The following MACROD2 variants were observed in gnomAD, a reference collection of about 807,000 sequenced individuals.
MACROD2 encodes the protein mono-ADP ribosylhydrolase 2.
MACROD2 carries 36 observed loss-of-function variants against 70.4 expected under a neutral mutation model. The ratio of observed to expected loss-of-function variants is 0.51; its 90% CI spans 0.39 to 0.68. The LOEUF is 0.68. Among genes scored for constraint, MACROD2 ranks in the 30% least tolerant of loss-of-function variants. The pLI, the probability that MACROD2 is intolerant of heterozygous loss-of-function variation, is 0.00. For missense variants in MACROD2, 496 were observed against 538.4 expected (o/e 0.92, Z 0.78); for synonymous variants, 172 against 178.8 (o/e 0.96, Z 0.30).
chr20:14,328,803 G>T (rs1165048009), intron 3 of MACROD2: 3 of 152,060 alleles, frequency 2.0e-5, no homozygotes, highest in Non-Finnish European at 4.4e-5. Flanking sequence ...TCATTAAAGT[G>T]GGGGCAGAAA....
intron 3 of MACROD2, among the ~76,000 whole-genome samples, chr20:14,227,317 G>A (rs2081748443): frequency 6.6e-6 from 1 of 152,116 alleles, no homozygotes; most frequent in Non-Finnish European, 1.5e-5. Flanking sequence ...CTTTCACATG[G>A]TGGAAGCTTT....
At chr20:15,749,335 A>G (rs1402726680) in intron 8 of MACROD2, among the ~76,000 whole-genome samples, 1 of 152,110 alleles carries the variant, frequency 6.6e-6, no homozygotes, top group African/African-American at 2.4e-5. Context: ...TGCCATCACA[A>G]TAGCCATTTT....
intron 8 of MACROD2, among the ~76,000 whole-genome samples, chr20:15,526,030 T>G (rs1234715369): frequency 3.3e-5 from 5 of 152,202 alleles, no homozygotes; most frequent in Non-Finnish European, 7.3e-5. Context: ...TAAAAAGATG[T>G]TTTTCTTTAA....
intron 5 of MACROD2, among the ~76,000 whole-genome samples, chr20:14,918,015 C>G (rs1394893836): frequency 6.6e-6 from 1 of 152,082 alleles, no homozygotes; most frequent in African/African-American, 2.4e-5. Flanking sequence ...CTCTGTTGCC[C>G]AGGCTGGAGT....
intron 5 of MACROD2, among the ~76,000 whole-genome samples, chr20:14,731,571 T>C (rs985343224): frequency 6.6e-6 from 1 of 152,150 alleles, no homozygotes; most frequent in African/African-American, 2.4e-5. Context: ...CTAATAGTTA[T>C]CTCCTTCATG....
chr20:15,542,881 C>T (rs1158732990), intron 8 of MACROD2, among the ~76,000 whole-genome samples: 1 of 152,084 alleles, frequency 6.6e-6, no homozygotes, highest in African/African-American at 2.4e-5. Flanking sequence ...CATCCTTGTC[C>T]ACGTCCTACG....
At chr20:14,198,920 C>A (rs1182949570) in intron 3 of MACROD2, among the ~76,000 whole-genome samples, 2 of 152,140 alleles carry the variant, frequency 1.3e-5, no homozygotes, top group African/African-American at 2.4e-5. Context: ...TAAAAGATTT[C>A]TTTTTTATCA....
At chr20:15,171,796 C>T (rs2076424550) in intron 5 of MACROD2, among the ~76,000 whole-genome samples, 1 of 152,214 alleles carries the variant, frequency 6.6e-6, no homozygotes, top group African/African-American at 2.4e-5. Context: ...GACATTCCCA[C>T]AACTTAAATG....
At chr20:15,575,927 T>G (rs1600616372) in intron 8 of MACROD2, among the ~76,000 whole-genome samples, 2 of 152,180 alleles carry the variant, frequency 1.3e-5, no homozygotes, top group Admixed American at 1.3e-4. Context: ...TTATATATTT[T>G]AAAACACATT....
chr20:14,460,175 G>A (rs1419454913), intron 3 of MACROD2, among the ~76,000 whole-genome samples: 1 of 152,080 alleles, frequency 6.6e-6, no homozygotes, highest in Non-Finnish European at 1.5e-5. Context: ...GAATAGTGCT[G>A]CAATAAACAT....
At chr20:15,807,065 G>A (rs116431143) in intron 8 of MACROD2, among the ~76,000 whole-genome samples, 131 of 152,232 alleles carry the variant, frequency 8.6e-4, no homozygotes, top group African/African-American at 2.7e-3. Flanking sequence ...TTAATATTCC[G>A]TCCATACAAA....
chr20:14,672,936 T>A (rs1016679378), intron 4 of MACROD2, among the ~76,000 whole-genome samples: 1 of 152,224 alleles, frequency 6.6e-6, no homozygotes, highest in African/African-American at 2.4e-5. Context: ...ATTATAAATA[T>A]CAACTAAAGT....
chr20:14,574,777 C>T (rs1347358664), intron 4 of MACROD2, among the ~76,000 whole-genome samples: 4 of 149,212 alleles, frequency 2.7e-5, no homozygotes, highest in Middle Eastern at 7.1e-3. Context: ...TTTGGGAGGC[C>T]GGGGCGGGTG....
chr20:15,578,247 C>G (rs899055303), intron 8 of MACROD2, among the ~76,000 whole-genome samples: 3 of 152,280 alleles, frequency 2.0e-5, no homozygotes, highest in African/African-American at 7.2e-5. Context: ...TTCAGGACCA[C>G]TTGGCCTTAT....
intron 4 of MACROD2, among the ~76,000 whole-genome samples, chr20:14,683,379 T>G (rs2123592707): frequency 6.6e-6 from 1 of 152,328 alleles, no homozygotes; most frequent in Non-Finnish European, 1.5e-5. Context: ...TGACAAGGAC[T>G]TGTAAGAAAA....
intron 3 of MACROD2, among the ~76,000 whole-genome samples, chr20:14,144,188 CAT>C (rs1365098150): frequency 1.3e-5 from 2 of 152,004 alleles, no homozygotes; most frequent in Admixed American, 6.6e-5. Flanking sequence ...CATATAAAGA[CAT>C]ATTTTTTTCT....
At chr20:15,951,306 G>GACACACACACACACACACAC (rs58032991) in intron 12 of MACROD2, among the ~76,000 whole-genome samples, 11 of 135,618 alleles carry the variant, frequency 8.1e-5, no homozygotes, top group South Asian at 7.7e-4. Flanking sequence ...TATTTATCTA[G>GACACACACACACACACACAC]ACACACACAC....
intron 5 of MACROD2, among the ~76,000 whole-genome samples, chr20:14,976,874 C>T (rs768207587): frequency 2.0e-5 from 3 of 152,076 alleles, no homozygotes; most frequent in African/African-American, 2.4e-5. Context: ...AAATACAATG[C>T]GGGGCTCTTA....
At chr20:16,019,662 C>T (rs141312768) in intron 15 of MACROD2, among the ~76,000 whole-genome samples, 1 of 152,222 alleles carries the variant, frequency 6.6e-6, no homozygotes, top group East Asian at 1.9e-4. Flanking sequence ...GGTTCCTGGC[C>T]CAGCAGCAAC....
Sources: allele counts gnomAD v4.1 joint callset (sites outside exome capture counted in the v4.1 genomes callset), GRCh38; gene constraint gnomAD v4.1.1; transcripts MANE v1.5; gene names NCBI Gene and HGNC (gene_info 2026-07-23, HGNC 2026-07-21).